Variants in ACKR2 observed in about 807,000 individuals in gnomAD.
The protein encoded by ACKR2 is atypical chemokine receptor 2.
For missense variants in ACKR2, 457 were observed against 477.3 expected, an observed-to-expected ratio of 0.96 and a Z score of 0.40; for synonymous variants, 207 against 192.2, an observed-to-expected ratio of 1.08 and a Z score of -0.64.
chr3:42,821,857 C>T lies in ACKR2; in HGVS notation c.-38+2146C>T, dbSNP rs866235625. 7.2e-5 allele frequency among the ~76,000 whole-genome samples: 11 copies of T among 152,052 alleles called. No individual in the cohort carries two copies. In the South Asian group the frequency reaches 8.3e-4, roughly 11 times the overall value. ...GACTACAGGGGCCCACTACCACGCC[C>T]GGCTAATATTTTGTATTTTTAGTAG... On this transcript the variant is annotated intron_variant, in intron 2 of 2. Transcript: ENST00000422265.
intron 2 of ACKR2, among the ~76,000 whole-genome samples, chr3:42,839,714 A>C (rs575269398): frequency 3.8e-4 from 58 of 152,332 alleles, no homozygotes; most frequent in African/African-American, 1.3e-3. Flanking sequence ...GTATTTGAAA[A>C]GATAAAAATA....
chr3:42,810,716 G>A (rs919576212), intron 1 of ACKR2, among the ~76,000 whole-genome samples: 4 of 152,088 alleles, frequency 2.6e-5, no homozygotes, highest in East Asian at 3.9e-4. Context: ...AAAGGCCCTC[G>A]TGCCCCTTTG....
At chr3:42,816,548 A>G (rs1700752283) in intron 1 of ACKR2, among the ~76,000 whole-genome samples, 1 of 151,548 alleles carries the variant, frequency 6.6e-6, no homozygotes, top group African/African-American at 2.4e-5. Context: ...CAATGAACTG[A>G]GGCACTCAGT....
intron 2 of ACKR2, among the ~76,000 whole-genome samples, chr3:42,840,285 A>AAAG (rs1701024727): frequency 6.7e-6 from 1 of 148,500 alleles, no homozygotes; most frequent in Admixed American, 6.7e-5. Context: ...AAAAAAAAAA[A>AAAG]GGAAATGAAA....
At position 42,865,238 on chromosome 3, in the gene ACKR2, G is replaced by A; in HGVS notation, c.736G>A (p.Gly246Ser). The A allele has an allele frequency of 6.2e-7, 1 of 1,614,192 alleles. No homozygotes were observed. The change falls in exon 3 of 3, where the codon GGC becomes AGC. Residue 246 changes from glycine (G) to serine (S), a missense_variant. Physicochemically the swap from Gly to Ser is moderately conservative, Grantham distance 56. Transcript: ENST00000422265. ...VLVRLRPAGQ[G>S]RALKIAAALV... ...GGTGAGGCTGAGGCCCGCAGGCCAG[G>A]GCCGGGCTTTAAAAATAGCTGCAGC... is the stretch of plus-strand genomic sequence containing the variant.
chr3:42,817,846 T>C (rs902368914), intron 1 of ACKR2, among the ~76,000 whole-genome samples: 16 of 152,186 alleles, frequency 1.1e-4, no homozygotes, highest in African/African-American at 3.6e-4. Context: ...TCTATCATAT[T>C]TGACATTATG....
chr3:42,819,423 C>T (rs1436747080), intron 1 of ACKR2, among the ~76,000 whole-genome samples: 1 of 88,630 alleles, frequency 1.1e-5, no homozygotes, highest in African/African-American at 5.7e-5. Flanking sequence ...AAGAGCTGGG[C>T]TCCCTCACTG....
intron 1 of ACKR2, among the ~76,000 whole-genome samples, chr3:42,815,153 CAA>C (rs1700736699): frequency 6.6e-6 from 1 of 152,098 alleles, no homozygotes; most frequent in Non-Finnish European, 1.5e-5. Flanking sequence ...AGGATGTTGA[CAA>C]GAGCAGAGGG....
rs761043258 is a variant in ACKR2, at chr3:42,864,739, G to A, written c.237G>A (p.Arg79=). The change falls in exon 3 of 3, where the codon CGG becomes CGA. Residue 79 remains arginine, a synonymous_variant. Transcript: ENST00000422265. The part of the protein sequence containing the change: ...MVLLRYVPRR[R]MVEIYLLNLA... ...TGCTCCGTTACGTGCCTCGCAGGCG[G>A]ATGGTTGAGATCTATCTGCTGAATC... The A allele has an allele frequency of 9.3e-6, 15 of 1,614,216 alleles. No homozygotes were observed. Among genetic ancestry groups the A allele is most frequent in the Non-Finnish European group, 1.3e-5 (15 of 1,180,038 alleles).
intron 2 of ACKR2, among the ~76,000 whole-genome samples, chr3:42,857,841 T>G (rs1247312301): frequency 2.0e-5 from 3 of 152,238 alleles, no homozygotes; most frequent in Non-Finnish European, 4.4e-5. Context: ...CAAGCCCCAC[T>G]GGCATCTGCC....
At chr3:42,855,252 G>A (rs558315088) in intron 2 of ACKR2, among the ~76,000 whole-genome samples, 12 of 152,316 alleles carry the variant, frequency 7.9e-5, no homozygotes, top group Admixed American at 4.6e-4. Context: ...AAGGTACCAT[G>A]TGCCTGGAGT....
chr3:42,864,974 C>G lies in ACKR2; in HGVS notation c.472C>G (p.Arg158Gly). The change falls in exon 3 of 3, where the codon CGG (arginine) becomes GGG (glycine). Residue 158 changes from arginine to glycine, a missense_variant. Arg to Gly is a moderately radical substitution (Grantham distance 125). Coordinates refer to ENST00000422265, the MANE Select transcript of ACKR2 (RefSeq NM_001296.5). The part of the protein sequence containing the change: ...HAQPYHRLRT[R>G]AKSLLLATIV... ...TCAGCCCTACCACAGGCTGAGGACC[C>G]GGGCCAAGAGCCTGCTCCTTGCTAC... 1.9e-6 allele frequency: 3 copies of G among 1,614,098 alleles called. No homozygotes were observed. Among genetic ancestry groups the G allele is most frequent in the Non-Finnish European group, 2.5e-6 (3 of 1,180,002 alleles).
intron 1 of ACKR2, among the ~76,000 whole-genome samples, chr3:42,815,114 T>C (rs1054352087): frequency 1.3e-5 from 2 of 152,152 alleles, no homozygotes; most frequent in Non-Finnish European, 2.9e-5. Flanking sequence ...GACAATGTTC[T>C]ATTAGGTGCC....
intron 2 of ACKR2, chr3:42,835,497 C>A (rs1344294474): frequency 1.3e-5 from 2 of 152,256 alleles, no homozygotes; most frequent in East Asian, 3.9e-4. Context: ...GAAGTACGTT[C>A]TTCAGTGAGT....
intron 1 of ACKR2, among the ~76,000 whole-genome samples, chr3:42,813,259 A>G (rs1559682398): frequency 1.3e-5 from 2 of 152,198 alleles, no homozygotes. Flanking sequence ...AGTATGTTAT[A>G]GTATCTAATA....
Position 42,860,164 on chromosome 3 carries a change from C to CAAAAAAAAAAAAAAAAAAAAAAAAAA in ACKR2, c.-37-4277_-37-4276insAAAAAAAAAAAAAAAAAAAAAAAAAA, listed in dbSNP as rs565028940. ...GAATATTTATCAAGCAAATGGAAAGCAAAAAAAAAAAAAAAAAAAAAAAAA... is the reference window on the plus strand; with the variant it reads ...GAATATTTATCAAGCAAATGGAAAGCAAAAAAAAAAAAAAAAAAAAAAAAAAAAAAAAAAAAAAAAAAAAAAAAAAA... On this transcript the variant is annotated intron_variant, in intron 2 of 2. Transcript: ENST00000422265. 1.4e-3 allele frequency among the ~76,000 whole-genome samples: 11 copies of CAAAAAAAAAAAAAAAAAAAAAAAAAA among 8,056 alleles called. 5 individuals carry two copies. Among genetic ancestry groups the CAAAAAAAAAAAAAAAAAAAAAAAAAA allele is most frequent in the Non-Finnish European group, 2.4e-3 (9 of 3,762 alleles). 5.3% of individuals were successfully genotyped at this position (8,056 alleles called of 152,430 possible).
intron 1 of ACKR2, among the ~76,000 whole-genome samples, chr3:42,809,822 A>G (rs1253907729): frequency 6.6e-6 from 1 of 151,900 alleles, no homozygotes; most frequent in Non-Finnish European, 1.5e-5. Flanking sequence ...AGATCGCGCC[A>G]CTGTACTCCA....
intron 2 of ACKR2, among the ~76,000 whole-genome samples, chr3:42,826,188 G>T (rs1226525283): frequency 6.6e-6 from 1 of 152,016 alleles, no homozygotes; most frequent in African/African-American, 2.4e-5. Context: ...TCTATATATG[G>T]TCCATAAGGG....
At chr3:42,820,418 C>A (rs1328613137) in intron 2 of ACKR2, among the ~76,000 whole-genome samples, 2 of 151,686 alleles carry the variant, frequency 1.3e-5, no homozygotes, top group Non-Finnish European at 2.9e-5. Flanking sequence ...ATGGTGAAAC[C>A]CCATCTCTAC....
Sources: gnomAD v4.1 joint callset for allele counts (sites outside exome capture counted in the v4.1 genomes callset) on GRCh38, gnomAD v4.1.1 for gene constraint, MANE v1.5 for transcripts, NCBI Gene and HGNC (gene_info 2026-07-23, HGNC 2026-07-21) for gene names.